Variants in XKR4 observed in about 807,000 individuals in gnomAD.
The protein encoded by XKR4 is XK-related protein 4.
XKR4 carries 12 observed loss-of-function variants against 53.9 expected under a neutral mutation model. The ratio of observed to expected loss-of-function variants is 0.22; its 90% confidence interval spans 0.14 to 0.36. XKR4 has a LOEUF of 0.36. XKR4 is among the 10% of genes least tolerant of loss of function. The pLI is 1.00. For missense variants in XKR4, 799 were observed against 859.5 expected (o/e 0.93, Z 0.88); for synonymous variants, 354 against 362.4 (o/e 0.98, Z 0.26).
chr8:55,274,548 C>G (rs1585980748), intron 1 of XKR4, among the ~76,000 whole-genome samples: 2 of 151,864 alleles, frequency 1.3e-5, no homozygotes, highest in African/African-American at 4.8e-5. Flanking sequence ...TTCTCCTGCC[C>G]CAGGCTCCTG....
At chr8:55,375,295 A>G (rs1804130852) in intron 2 of XKR4, among the ~76,000 whole-genome samples, 1 of 152,232 alleles carries the variant, frequency 6.6e-6, no homozygotes, top group Non-Finnish European at 1.5e-5. Flanking sequence ...CCACCTGCCC[A>G]TGTCCTCCTC....
intron 1 of XKR4, among the ~76,000 whole-genome samples, chr8:55,251,904 G>T (rs1424808937): frequency 6.6e-6 from 1 of 152,108 alleles, no homozygotes; most frequent in Non-Finnish European, 1.5e-5. Context: ...CTAATATCTG[G>T]TAACTTTTTA....
intron 1 of XKR4, among the ~76,000 whole-genome samples, chr8:55,172,219 A>G (rs1407813751): frequency 6.6e-6 from 1 of 152,040 alleles, no homozygotes; most frequent in Admixed American, 6.6e-5. Context: ...TCAAAAAAAA[A>G]AAAAAGTCCC....
At chr8:55,266,641 A>C (rs368225132) in intron 1 of XKR4, among the ~76,000 whole-genome samples, 2 of 152,150 alleles carry the variant, frequency 1.3e-5, no homozygotes, top group South Asian at 2.1e-4. Flanking sequence ...TTCAAGTATG[A>C]GATCAAAAAT....
intron 1 of XKR4, among the ~76,000 whole-genome samples, chr8:55,278,246 A>G (rs1285926319): frequency 6.6e-6 from 1 of 152,064 alleles, no homozygotes; most frequent in East Asian, 1.9e-4. Context: ...CTGGGGCACA[A>G]GAATCGTTCC....
At position 55,523,291 on chromosome 8, in the gene XKR4, G is replaced by A. The variant is rs147261528; in HGVS notation, c.1017G>A (p.Ala339=). The part of the protein sequence containing the change: ...HSLQALQGFT[A]AASLVSLAWA... ...TGTTTGCCTTTGTAGGTTTCACAGCGGCAGCTTCCCTCGTGTCCCTGGCCT... is the reference window on the plus strand; with the variant it reads ...TGTTTGCCTTTGTAGGTTTCACAGCAGCAGCTTCCCTCGTGTCCCTGGCCT... Residue 339 remains alanine (A), a synonymous_variant, in exon 3 of 3, where the codon GCG becomes GCA. Coordinates refer to ENST00000327381, the MANE Select transcript of XKR4 (RefSeq NM_052898.2). 388 of 1,601,208 alleles carry A rather than the reference G, an allele frequency of 2.4e-4. 1 individual carries two copies. The highest frequency in any genetic ancestry group is 3.1e-4 in the Non-Finnish European group (365 of 1,173,266).
intron 2 of XKR4, among the ~76,000 whole-genome samples, chr8:55,380,390 A>G (rs1009615090): frequency 3.3e-5 from 5 of 152,234 alleles, no homozygotes; most frequent in African/African-American, 7.2e-5. Context: ...AGAGTGCAAG[A>G]CACTCTCATA....
intron 2 of XKR4, among the ~76,000 whole-genome samples, chr8:55,456,071 A>G (rs981603810): frequency 6.6e-6 from 1 of 152,242 alleles, no homozygotes; most frequent in Non-Finnish European, 1.5e-5. Context: ...CAAAACAATT[A>G]CTAAGCATGC....
At chr8:55,116,187 G>A (rs561769604) in intron 1 of XKR4, among the ~76,000 whole-genome samples, 36 of 152,264 alleles carry the variant, frequency 2.4e-4, no homozygotes, top group Middle Eastern at 3.4e-3. Context: ...GGAGAGCGAG[G>A]CTGGGTTTCT....
intron 2 of XKR4, among the ~76,000 whole-genome samples, chr8:55,506,348 A>G (rs1295156499): frequency 2.0e-5 from 3 of 152,204 alleles, no homozygotes; most frequent in Non-Finnish European, 4.4e-5. Flanking sequence ...ACCAGCCACA[A>G]GGTTTCCCAC....
At chr8:55,464,393 A>G (rs1805720637) in intron 2 of XKR4, among the ~76,000 whole-genome samples, 1 of 152,202 alleles carries the variant, frequency 6.6e-6, no homozygotes, top group Non-Finnish European at 1.5e-5. Flanking sequence ...TTATCTCAAT[A>G]GATGCAGAAA....
intron 2 of XKR4, among the ~76,000 whole-genome samples, chr8:55,416,198 C>T (rs968418258): frequency 2.0e-5 from 3 of 151,938 alleles, no homozygotes; most frequent in Non-Finnish European, 4.4e-5. Flanking sequence ...AATGGAGCAA[C>T]GAGAAAAGTC....
rs139780996 is a variant in XKR4 at position 55,337,185 on chromosome 8, G to T, written c.807-20493G>T. Among the ~76,000 whole-genome samples the T allele has an allele frequency of 6.6e-5, 10 of 152,100 alleles. No homozygotes were observed. In the East Asian group the frequency reaches 7.7e-4, roughly 12 times the overall value. The stretch of plus-strand genomic sequence containing the variant: ...CCAATTTGGTCTCATCACTAAAAAG[G>T]GCCCTAGTGTCTCCTACTACCAAAA... On this transcript the variant is annotated intron_variant, in intron 1 of 2. Coordinates refer to ENST00000327381, the MANE Select transcript of XKR4 (RefSeq NM_052898.2).
chr8:55,429,358 A>G (rs894453270), intron 2 of XKR4, among the ~76,000 whole-genome samples: 1 of 152,216 alleles, frequency 6.6e-6, no homozygotes, highest in Non-Finnish European at 1.5e-5. Context: ...TTGGGGATCT[A>G]GAGCAAAGAG....
intron 2 of XKR4, among the ~76,000 whole-genome samples, chr8:55,384,960 T>C (rs1372858597): frequency 7.2e-5 from 11 of 152,192 alleles, no homozygotes; most frequent in African/African-American, 2.7e-4. Flanking sequence ...AGAATGGCCA[T>C]CGTAACTAGT....
intron 1 of XKR4, among the ~76,000 whole-genome samples, chr8:55,332,874 C>G (rs1229367054): frequency 6.7e-6 from 1 of 149,776 alleles, no homozygotes; most frequent in East Asian, 2.0e-4. Flanking sequence ...TGTTAGTTTG[C>G]TTGATGATGT....
chr8:55,102,216 G>A lies in XKR4; in HGVS notation c.-273G>A, dbSNP rs1816051006. Among the ~76,000 whole-genome samples the A allele has an allele frequency of 6.8e-6, 1 of 146,000 alleles. No individual in the cohort carries two copies. The highest frequency in any genetic ancestry group is 2.5e-5 in the African/African-American group (1 of 40,798). On this transcript the variant is annotated 5_prime_UTR_variant, in exon 1 of 3. Coordinates refer to ENST00000327381, the MANE Select transcript of XKR4 (RefSeq NM_052898.2). This position sits in a 1 kb window ranked among gnomAD's most constrained non-coding sequence, Gnocchi z 5.1. ...GGCGAGGAGCGCGGGCGGCGGGCAG[G>A]GGCGCGCGCGGGGCGCCGCGAGCAG... is the stretch of plus-strand genomic sequence containing the variant.
intron 1 of XKR4, among the ~76,000 whole-genome samples, chr8:55,270,534 G>A (rs1818674632): frequency 6.6e-6 from 1 of 152,152 alleles, no homozygotes; most frequent in South Asian, 2.1e-4. Flanking sequence ...ATCTCACAAA[G>A]GGCACCATGT....
At chr8:55,404,517 C>A (rs1309988333) in intron 2 of XKR4, among the ~76,000 whole-genome samples, 1 of 152,186 alleles carries the variant, frequency 6.6e-6, no homozygotes, top group Admixed American at 6.5e-5. Flanking sequence ...AGCTTCCAGT[C>A]TGAAGAAAGA....
Sources: gnomAD v4.1 joint callset for allele counts (sites outside exome capture counted in the v4.1 genomes callset) on GRCh38, gnomAD v4.1.1 for gene constraint, Gnocchi (gnomAD v3.1) non-coding constraint, MANE v1.5 for transcripts, NCBI Gene and HGNC (gene_info 2026-07-23, HGNC 2026-07-21) for gene names.